Variants in DENND1A observed in about 807,000 individuals in gnomAD.
The protein encoded by DENND1A is DENN domain containing 1A.
A neutral mutation model predicts 113.7 loss-of-function variants in DENND1A; 51 were observed. The ratio of observed to expected loss-of-function variants is 0.45; its 90% CI spans 0.36 to 0.57. The LOEUF is 0.57. DENND1A is among the 20% of genes least tolerant of loss of function. DENND1A has a pLI of 0.00. For missense variants in DENND1A, 1,258 were observed against 1,395.9 expected, an observed-to-expected ratio of 0.90 and a Z score of 1.57; for synonymous variants, 565 against 570.8, an observed-to-expected ratio of 0.99 and a Z score of 0.14.
intron 8 of DENND1A, among the ~76,000 whole-genome samples, chr9:123,663,849 C>CA (rs202019987): frequency 0.066 from 8,999 of 137,186 alleles, 305 homozygotes; most frequent in South Asian, 0.097. Flanking sequence ...AACTTAACAA[C>CA]AAAAAAAAAA....
At chr9:123,842,347 T>C (rs561136743) in intron 2 of DENND1A, among the ~76,000 whole-genome samples, 2 of 152,178 alleles carry the variant, frequency 1.3e-5, no homozygotes, top group African/African-American at 4.8e-5. Context: ...GCAAGTACAA[T>C]GTATGAGAGG....
chr9:123,779,559 G>A (rs1051319960), intron 3 of DENND1A, among the ~76,000 whole-genome samples: 4 of 152,294 alleles, frequency 2.6e-5, no homozygotes, highest in Admixed American at 1.3e-4. Context: ...GAGGGAAGTG[G>A]TGCAATCTTG....
chr9:123,798,758 A>G (rs1834162018), intron 2 of DENND1A, among the ~76,000 whole-genome samples: 1 of 149,520 alleles, frequency 6.7e-6, no homozygotes, highest in South Asian at 2.1e-4. Context: ...AATCAAAAGG[A>G]TATGTTCACT....
chr9:123,589,918 G>A (rs961540025), intron 11 of DENND1A, among the ~76,000 whole-genome samples: 3 of 152,196 alleles, frequency 2.0e-5, no homozygotes, highest in Non-Finnish European at 2.9e-5. Context: ...CCCCGACCAG[G>A]GGGCTTACTG....
chr9:123,381,783 G>C lies in DENND1A; in HGVS notation c.2862C>G (p.Pro954=). The stretch of plus-strand genomic sequence containing the variant: ...CCATGGGCATCTGGCCAAAGAGGTT[G>C]GGCATGGAGAGGGCGGAGAGGTTGG... ...SQPNLSALSM[P]NLFGQMPMGT... The change falls in exon 24 of 24, where the codon CCC becomes CCG. Residue 954 remains proline (P), a synonymous_variant. Transcript: ENST00000394215. The surrounding 1 kb of genome is among the most constrained non-coding windows in gnomAD (Gnocchi z 4.7). The C allele has an allele frequency of 6.6e-7, 1 of 1,516,418 alleles. No individual in the cohort carries two copies. The highest frequency in any genetic ancestry group is 8.8e-7 in the Non-Finnish European group (1 of 1,131,928). The allele number at this position is 1,516,418 out of a possible 1,614,324, so 93.9% of individuals were successfully genotyped here. A position where few individuals can be genotyped will look rare whatever the true frequency, so the allele number is the denominator to read the frequency against.
At chr9:123,733,383 G>C (rs1402178172) in intron 5 of DENND1A, among the ~76,000 whole-genome samples, 1 of 151,432 alleles carries the variant, frequency 6.6e-6, no homozygotes, top group Non-Finnish European at 1.5e-5. Context: ...GGGCTCAAGT[G>C]ATCCTCCCAT....
intron 2 of DENND1A, among the ~76,000 whole-genome samples, chr9:123,812,178 A>C (rs1836731247): frequency 6.6e-6 from 1 of 152,174 alleles, no homozygotes; most frequent in African/African-American, 2.4e-5. Flanking sequence ...CCCATGATAA[A>C]ATAGAGTTGT....
intron 4 of DENND1A, among the ~76,000 whole-genome samples, chr9:123,763,796 C>T (rs868179219): frequency 6.6e-6 from 1 of 152,110 alleles, no homozygotes; most frequent in South Asian, 2.1e-4. Context: ...AAAACAATGT[C>T]TACTGAATTA....
intron 13 of DENND1A, among the ~76,000 whole-genome samples, chr9:123,468,607 C>T (rs761323397): frequency 2.0e-5 from 3 of 152,194 alleles, no homozygotes; most frequent in Non-Finnish European, 2.9e-5. Flanking sequence ...GGGAGGAGAA[C>T]GCTGTGCTGG....
At chr9:123,853,841 C>T (rs1012923195) in intron 2 of DENND1A, among the ~76,000 whole-genome samples, 1 of 152,108 alleles carries the variant, frequency 6.6e-6, no homozygotes, top group Non-Finnish European at 1.5e-5. Context: ...TCTTGAGATG[C>T]CAGCCTCTCA....
chr9:123,856,647 C>T (rs933286224), intron 2 of DENND1A, among the ~76,000 whole-genome samples: 2 of 151,978 alleles, frequency 1.3e-5, no homozygotes, highest in African/African-American at 4.8e-5. Context: ...CAGCCATGCA[C>T]GGGGTGTCAA....
chr9:123,781,605 C>G (rs1831327091), intron 3 of DENND1A, among the ~76,000 whole-genome samples: 2 of 152,128 alleles, frequency 1.3e-5, no homozygotes, highest in African/African-American at 2.4e-5. Flanking sequence ...AACATTATGG[C>G]TACTTTTCCT....
intron 13 of DENND1A, among the ~76,000 whole-genome samples, chr9:123,514,066 G>T (rs960622991): frequency 3.6e-3 from 44 of 12,104 alleles, no homozygotes; most frequent in Middle Eastern, 0.031. Context: ...CTATTTTGAG[G>T]TGTGTGTGTG....
chr9:123,500,617 T>A (rs557923525), intron 13 of DENND1A, among the ~76,000 whole-genome samples: 1 of 152,308 alleles, frequency 6.6e-6, no homozygotes, highest in Admixed American at 6.5e-5. Context: ...CAGGCTTCTA[T>A]TTGCACTTAA....
At chr9:123,850,323 C>T (rs143378790) in intron 2 of DENND1A, among the ~76,000 whole-genome samples, 16 of 152,330 alleles carry the variant, frequency 1.1e-4, no homozygotes, top group Admixed American at 7.8e-4. Context: ...AACATTTAGA[C>T]AAGATCGTTT....
At chr9:123,915,955 C>A (rs1365677851) in intron 1 of DENND1A, among the ~76,000 whole-genome samples, 1 of 152,116 alleles carries the variant, frequency 6.6e-6, no homozygotes, top group African/African-American at 2.4e-5. Flanking sequence ...TTGGCACAAT[C>A]TCTATGGAGG....
chr9:123,535,488 A>G (rs2055681747), intron 13 of DENND1A, among the ~76,000 whole-genome samples: 1 of 152,276 alleles, frequency 6.6e-6, no homozygotes, highest in East Asian at 1.9e-4. Context: ...CCAGCCCACA[A>G]GACCCTTCAC....
At chr9:123,703,749 A>G (rs573256335) in intron 5 of DENND1A, among the ~76,000 whole-genome samples, 1 of 152,250 alleles carries the variant, frequency 6.6e-6, no homozygotes, top group Non-Finnish European at 1.5e-5. Flanking sequence ...ATAAAATTCT[A>G]GGAAAGATAA....
chr9:123,408,038 G>C (rs1231470783), intron 20 of DENND1A, among the ~76,000 whole-genome samples: 1 of 152,090 alleles, frequency 6.6e-6, no homozygotes, highest in Non-Finnish European at 1.5e-5. Flanking sequence ...GGTAACATCT[G>C]AACTCCAGCC....
Sources: allele counts gnomAD v4.1 joint callset (sites outside exome capture counted in the v4.1 genomes callset), GRCh38; gene constraint gnomAD v4.1.1; non-coding constraint Gnocchi (gnomAD v3.1); transcripts MANE v1.5; gene names NCBI Gene and HGNC (gene_info 2026-07-23, HGNC 2026-07-21).